The following HIPK2 variants were observed in gnomAD, a reference collection of about 807,000 sequenced individuals.
The protein encoded by HIPK2 is homeodomain interacting protein kinase 2, also known as homeodomain-interacting protein kinase 2.
HIPK2 carries 27 observed loss-of-function variants against 113.7 expected under a neutral mutation model. The observed-to-expected ratio is 0.24, with a 90% CI of 0.17 to 0.33. The LOEUF (loss-of-function observed/expected upper bound fraction) is 0.33. HIPK2 is among the 10% of genes least tolerant of loss of function. The probability of loss-of-function intolerance (pLI) is 1.00; values close to 1 mark genes in which losing one functional copy is unlikely to be tolerated. For synonymous variants in HIPK2, 631 were observed against 642.2 expected, an observed-to-expected ratio of 0.98 and a Z score of 0.26; for missense variants, 1,257 against 1,588.0, an observed-to-expected ratio of 0.79 and a Z score of 3.54.
chr7:139,732,789 CATATA>C (rs781023063), intron 1 of HIPK2, among the ~76,000 whole-genome samples: 1 of 143,622 alleles, frequency 7.0e-6, no homozygotes, highest in Non-Finnish European at 1.5e-5. Context: ...CATTATATAA[CATATA>C]ATATATATAA....
At chr7:139,582,379 C>T (rs1435193704) in intron 13 of HIPK2, among the ~76,000 whole-genome samples, 4 of 152,330 alleles carry the variant, frequency 2.6e-5, no homozygotes, top group South Asian at 2.1e-4. Flanking sequence ...GAGAGCACAG[C>T]GCGAGCTGCG....
intron 2 of HIPK2, among the ~76,000 whole-genome samples, chr7:139,646,123 A>T (rs1801211321): frequency 6.6e-6 from 1 of 152,176 alleles, no homozygotes; most frequent in Non-Finnish European, 1.5e-5. Context: ...GAAGTGCAAC[A>T]GACACAGGCT....
At chr7:139,605,568 G>A (rs931773569) in intron 9 of HIPK2, among the ~76,000 whole-genome samples, 1 of 152,112 alleles carries the variant, frequency 6.6e-6, no homozygotes, top group African/African-American at 2.4e-5. Context: ...TTACAGATTT[G>A]AGTCAGGGCC....
Position 139,630,453 on chromosome 7 carries a change from A to T in HIPK2, c.1347+712T>A, listed in dbSNP as rs148374785. Reference sequence around the variant, plus strand: ...CACTCTGTCGCCCAGGCTGGAGTGCAGTGGCACAATCTCAGCTCACTGCAA... The same window carrying T: ...CACTCTGTCGCCCAGGCTGGAGTGCTGTGGCACAATCTCAGCTCACTGCAA... On this transcript the variant is annotated intron_variant, in intron 4 of 14. Coordinates refer to ENST00000406875, the MANE Select transcript of HIPK2 (RefSeq NM_022740.5). The surrounding 1 kb of genome is among the most constrained non-coding windows in gnomAD (Gnocchi z 4.0). Among the ~76,000 whole-genome samples the T allele has an allele frequency of 5.0e-4, 76 of 152,298 alleles. No individual in the cohort carries two copies. The East Asian group carries it at 0.014, about 29-fold the overall frequency.
intron 1 of HIPK2, among the ~76,000 whole-genome samples, chr7:139,735,212 C>G (rs1004010538): frequency 6.6e-6 from 1 of 152,148 alleles, no homozygotes; most frequent in Non-Finnish European, 1.5e-5. Flanking sequence ...AAGTACATGA[C>G]GACTTAAGCC....
chr7:139,658,687 G>A (rs1169633663), intron 2 of HIPK2, among the ~76,000 whole-genome samples: 5 of 152,210 alleles, frequency 3.3e-5, no homozygotes, highest in Admixed American at 6.5e-5. Flanking sequence ...AGAGTTGGGA[G>A]GTGCTGTGAA....
intron 5 of HIPK2, among the ~76,000 whole-genome samples, chr7:139,628,128 C>T (rs73481773): frequency 0.17 from 25,440 of 152,116 alleles, 2,797 homozygotes; most frequent in African/African-American, 0.31. Flanking sequence ...AGTCAAAGAA[C>T]GCTGAGGATT....
chr7:139,720,077 A>C (rs976812454), intron 1 of HIPK2, among the ~76,000 whole-genome samples: 3 of 152,170 alleles, frequency 2.0e-5, no homozygotes, highest in African/African-American at 7.2e-5. Context: ...TGGGTCCTTA[A>C]CTTGAATGAA....
chr7:139,691,497 G>A (rs924334494), intron 2 of HIPK2, among the ~76,000 whole-genome samples: 2 of 152,218 alleles, frequency 1.3e-5, no homozygotes, highest in Admixed American at 1.3e-4. Flanking sequence ...AGAGTAATAT[G>A]TGGCTTGGAA....
At position 139,777,830 on chromosome 7, in the gene HIPK2, TGCC is replaced by T. The variant is rs1473816587; in HGVS notation, c.-210_-208del. On this transcript the variant is annotated 5_prime_UTR_variant, in exon 1 of 15. Transcript: ENST00000406875. ...GCGCCGCCGCCGCCGCCGCCGCCGC[TGCC>T]GCCCGGGCCCGGCGCGGGGGGCTCG... The T allele has an allele frequency of 5.4e-6, 1 of 186,410 alleles. No individual in the cohort carries two copies. The allele number at this position is 186,410 out of a possible 1,614,324, so 11.5% of individuals were successfully genotyped here.
chr7:139,580,418 AG>A (rs1291603598), intron 13 of HIPK2, among the ~76,000 whole-genome samples: 3 of 152,238 alleles, frequency 2.0e-5, no homozygotes, highest in Non-Finnish European at 2.9e-5. Flanking sequence ...GACGTCCTGA[AG>A]GGGACCAAGA....
At chr7:139,692,103 T>C (rs1174007379) in intron 2 of HIPK2, among the ~76,000 whole-genome samples, 1 of 152,214 alleles carries the variant, frequency 6.6e-6, no homozygotes, top group Non-Finnish European at 1.5e-5. Flanking sequence ...GGACAGCTTT[T>C]TGGTTTTCTA....
At chr7:139,585,006 G>C (rs1161127120) in intron 12 of HIPK2, among the ~76,000 whole-genome samples, 1 of 152,250 alleles carries the variant, frequency 6.6e-6, no homozygotes, top group Non-Finnish European at 1.5e-5. Context: ...TTCAAACTCA[G>C]TGAGAGGCTG....
In HIPK2 at chr7:139,582,361, T is replaced by C. The variant is rs543354414; in HGVS notation, c.2965+1456A>G. On this transcript the variant is annotated intron_variant, in intron 13 of 14. Transcript: ENST00000406875. The stretch of plus-strand genomic sequence containing the variant: ...ATTTTTCCTGAAGGTAAGGTCTCCT[T>C]CTTCCGAGAGAGCACAGCGCGAGCT... 2.6e-5 allele frequency among the ~76,000 whole-genome samples: 4 copies of C among 152,332 alleles called. No homozygotes were observed. In the South Asian group the frequency reaches 8.3e-4, roughly 32 times the overall value.
At chr7:139,718,073 C>T (rs1795301546) in intron 1 of HIPK2, among the ~76,000 whole-genome samples, 1 of 152,164 alleles carries the variant, frequency 6.6e-6, no homozygotes, top group Admixed American at 6.5e-5. Flanking sequence ...ACCAACATCT[C>T]ATCCACAATT....
At position 139,628,451 on chromosome 7, in the gene HIPK2, G is replaced by GT. The variant is rs531807057; in HGVS notation, c.1434+501dup. Among the ~76,000 whole-genome samples the GT allele has an allele frequency of 6.2e-4, 94 of 151,906 alleles. 2 individuals are homozygous for GT. The highest frequency in any genetic ancestry group is 1.8e-3 in the African/African-American group (76 of 41,460). On this transcript the variant is annotated intron_variant, in intron 5 of 14. Transcript: ENST00000406875. ...AATACACTGGAATGATTGTTTTTTT[G>GT]TTTTTTTTGAGATGGAGTTTTGATC...
intron 1 of HIPK2, among the ~76,000 whole-genome samples, chr7:139,747,414 G>A (rs28529117): frequency 0.011 from 1,696 of 152,274 alleles, 33 homozygotes; most frequent in African/African-American, 0.038. Context: ...ATCAAGGGCC[G>A]GCACTTGAAA....
intron 6 of HIPK2, among the ~76,000 whole-genome samples, chr7:139,626,296 T>C (rs1460267916): frequency 1.3e-5 from 2 of 151,830 alleles, no homozygotes; most frequent in Non-Finnish European, 2.9e-5. Flanking sequence ...AGAGACAGGG[T>C]TTCACCATAT....
At chr7:139,680,038 G>GAGGACGGA (rs1802642050) in intron 2 of HIPK2, among the ~76,000 whole-genome samples, 1 of 152,168 alleles carries the variant, frequency 6.6e-6, no homozygotes, top group South Asian at 2.1e-4. Context: ...AGGATACAAG[G>GAGGACGGA]AGGCCGGAAG....
Sources: gnomAD v4.1 joint callset for allele counts (sites outside exome capture counted in the v4.1 genomes callset) on GRCh38, gnomAD v4.1.1 for gene constraint, Gnocchi (gnomAD v3.1) non-coding constraint, MANE v1.5 for transcripts, NCBI Gene and HGNC (gene_info 2026-07-23, HGNC 2026-07-21) for gene names.